Variants in KCNB2 observed in about 807,000 individuals in gnomAD.
KCNB2 encodes the protein potassium voltage-gated channel subfamily B member 2.
A neutral mutation model predicts 61.5 loss-of-function variants in KCNB2; 15 were observed. That is an observed-to-expected ratio of 0.24 (90% CI 0.16 to 0.38). The LOEUF (loss-of-function observed/expected upper bound fraction) is 0.38, where lower values mean the gene tolerates loss of function less well. Among genes scored for constraint, KCNB2 ranks in the 10% least tolerant of loss-of-function variants. The probability of loss-of-function intolerance (pLI) is 1.00; values close to 1 mark genes in which losing one functional copy is unlikely to be tolerated. For missense variants in KCNB2, 828 were observed against 1,125.2 expected, an observed-to-expected ratio of 0.74 and a Z score of 3.78; for synonymous variants, 457 against 446.0, an observed-to-expected ratio of 1.02 and a Z score of -0.31.
intron 2 of KCNB2, among the ~76,000 whole-genome samples, chr8:72,898,522 G>A (rs1806029363): frequency 6.6e-6 from 1 of 152,134 alleles, no homozygotes; most frequent in African/African-American, 2.4e-5. Flanking sequence ...AGAGGCCAAA[G>A]CAACATTGGC....
At chr8:72,718,296 C>A (rs1213540466) in intron 2 of KCNB2, among the ~76,000 whole-genome samples, 1 of 152,194 alleles carries the variant, frequency 6.6e-6, no homozygotes, top group African/African-American at 2.4e-5. Flanking sequence ...CCATTTGACC[C>A]AGCCATCCCA....
intron 2 of KCNB2, among the ~76,000 whole-genome samples, chr8:72,778,751 A>G (rs1430995892): frequency 2.1e-5 from 3 of 145,408 alleles, no homozygotes; most frequent in African/African-American, 5.0e-5. Context: ...AAAAAAAAAA[A>G]AAAAAAAAAA....
In KCNB2 at chr8:72,666,816, AT is replaced by A. The variant is rs1021114511; in HGVS notation, c.579+98512del. Among the ~76,000 whole-genome samples, 119 of 151,406 alleles carry A rather than the reference AT, an allele frequency of 7.9e-4. 1 individual carries two copies. Among genetic ancestry groups the A allele is most frequent in the East Asian group, 3.5e-3 (18 of 5,150 alleles). ...GATTTTATACTTCAGTTAATAATTA[AT>A]TTTTTTTTCCTGAACATGAAAATTA... On this transcript the variant is annotated intron_variant, in intron 2 of 2. Coordinates refer to ENST00000523207, the MANE Select transcript of KCNB2 (RefSeq NM_004770.3).
At chr8:72,810,865 T>G (rs1305545819) in intron 2 of KCNB2, among the ~76,000 whole-genome samples, 2 of 152,204 alleles carry the variant, frequency 1.3e-5, no homozygotes, top group Non-Finnish European at 2.9e-5. Flanking sequence ...ATGGACATTC[T>G]TATCTAAAAT....
At chr8:72,574,087 G>T (rs1458007920) in intron 2 of KCNB2, among the ~76,000 whole-genome samples, 1 of 152,188 alleles carries the variant, frequency 6.6e-6, no homozygotes, top group African/African-American at 2.4e-5. Context: ...CATCCATGAA[G>T]ACTAACAGGT....
chr8:72,778,345 C>G (rs1304823674), intron 2 of KCNB2, among the ~76,000 whole-genome samples: 4 of 152,070 alleles, frequency 2.6e-5, no homozygotes, highest in African/African-American at 9.7e-5. Flanking sequence ...TTCGGTGCAG[C>G]AGTTACCTCA....
intron 2 of KCNB2, among the ~76,000 whole-genome samples, chr8:72,791,843 G>A (rs904602160): frequency 6.6e-6 from 1 of 152,138 alleles, no homozygotes; most frequent in Admixed American, 6.5e-5. Flanking sequence ...AAGACCTCAA[G>A]TAACATGTTG....
At chr8:72,719,168 C>T (rs1434810996) in intron 2 of KCNB2, among the ~76,000 whole-genome samples, 1 of 151,952 alleles carries the variant, frequency 6.6e-6, no homozygotes, top group Non-Finnish European at 1.5e-5. Context: ...AATGGGAATA[C>T]ATGGAATATT....
At chr8:72,675,512 C>A (rs1203079854) in intron 2 of KCNB2, among the ~76,000 whole-genome samples, 1 of 141,136 alleles carries the variant, frequency 7.1e-6, no homozygotes, top group Non-Finnish European at 1.5e-5. Context: ...AGGCAATCTG[C>A]AGTCGGATTT....
intron 2 of KCNB2, among the ~76,000 whole-genome samples, chr8:72,682,793 A>G (rs1000100169): frequency 1.3e-5 from 2 of 151,804 alleles, no homozygotes; most frequent in Non-Finnish European, 2.9e-5. Flanking sequence ...TTTTGTAGAG[A>G]TGGGGGTCTC....
chr8:72,817,492 G>T (rs1262874987), intron 2 of KCNB2, among the ~76,000 whole-genome samples: 1 of 152,128 alleles, frequency 6.6e-6, no homozygotes, highest in Non-Finnish European at 1.5e-5. Context: ...TATTATCTCG[G>T]ATTTTGGTGT....
At chr8:72,780,441 T>C (rs1180034071) in intron 2 of KCNB2, among the ~76,000 whole-genome samples, 1 of 152,222 alleles carries the variant, frequency 6.6e-6, no homozygotes, top group Non-Finnish European at 1.5e-5. Flanking sequence ...GTATTCAAGA[T>C]CAGAGAGCTT....
chr8:72,829,104 A>G (rs919106331), intron 2 of KCNB2, among the ~76,000 whole-genome samples: 4 of 152,172 alleles, frequency 2.6e-5, no homozygotes, highest in Non-Finnish European at 5.9e-5. Context: ...CCCCAAAGCC[A>G]AAATTATATC....
At chr8:72,716,642 A>G (rs2128992336) in intron 2 of KCNB2, among the ~76,000 whole-genome samples, 1 of 152,344 alleles carries the variant, frequency 6.6e-6, no homozygotes, top group East Asian at 1.9e-4. Flanking sequence ...TCAATAAATT[A>G]GGTATTGATG....
intron 2 of KCNB2, among the ~76,000 whole-genome samples, chr8:72,892,784 T>G (rs1019902982): frequency 3.3e-5 from 5 of 152,186 alleles, no homozygotes; most frequent in African/African-American, 1.2e-4. Flanking sequence ...CTATGAAAAC[T>G]GTTACCCAGG....
At chr8:72,569,358 G>A (rs1205446917) in intron 2 of KCNB2, among the ~76,000 whole-genome samples, 1 of 152,046 alleles carries the variant, frequency 6.6e-6, no homozygotes, top group Non-Finnish European at 1.5e-5. Flanking sequence ...ATTTATAATA[G>A]AACATATGAG....
chr8:72,658,964 G>A (rs1174684732), intron 2 of KCNB2, among the ~76,000 whole-genome samples: 2 of 152,140 alleles, frequency 1.3e-5, no homozygotes, highest in Non-Finnish European at 2.9e-5. Flanking sequence ...GCAGGGAGAT[G>A]AATGTTGTTT....
chr8:72,548,238 G>C (rs1477347238), intron 1 of KCNB2, among the ~76,000 whole-genome samples: 1 of 152,128 alleles, frequency 6.6e-6, no homozygotes, highest in Admixed American at 6.5e-5. Context: ...TTTTGCCGTG[G>C]TCTGGAACTA....
At chr8:72,742,162 A>G (rs2128994642) in intron 2 of KCNB2, among the ~76,000 whole-genome samples, 1 of 152,230 alleles carries the variant, frequency 6.6e-6, no homozygotes, top group East Asian at 1.9e-4. Flanking sequence ...TTTACATTAT[A>G]TTGTTATGGT....
Sources: allele counts gnomAD v4.1 joint callset (sites outside exome capture counted in the v4.1 genomes callset), GRCh38; gene constraint gnomAD v4.1.1; transcripts MANE v1.5; gene names NCBI Gene and HGNC (gene_info 2026-07-23, HGNC 2026-07-21).